The following RALGPS1 variants were observed in gnomAD, a reference collection of about 807,000 sequenced individuals.
RALGPS1 encodes ras-specific guanine nucleotide-releasing factor RalGPS1.
RALGPS1 carries 19 observed loss-of-function variants against 78.8 expected under a neutral mutation model. The observed-to-expected ratio is 0.24, with a 90% CI of 0.17 to 0.35. RALGPS1 has a LOEUF of 0.35. Ranked by LOEUF, RALGPS1 falls within the 10% of genes least tolerant of loss-of-function variation. The pLI is 1.00. For missense variants in RALGPS1, 454 were observed against 688.3 expected, an observed-to-expected ratio of 0.66 and a Z score of 3.81; for synonymous variants, 228 against 256.3, an observed-to-expected ratio of 0.89 and a Z score of 1.06.
At chr9:127,082,171 A>C (rs141808949) in intron 8 of RALGPS1, among the ~76,000 whole-genome samples, 2 of 152,324 alleles carry the variant, frequency 1.3e-5, no homozygotes, top group East Asian at 3.9e-4. Context: ...CCAAGGCTTG[A>C]ACCAGGTAGA....
chr9:127,147,336 C>T (rs2058151179), intron 8 of RALGPS1, among the ~76,000 whole-genome samples: 1 of 152,180 alleles, frequency 6.6e-6, no homozygotes, highest in African/African-American at 2.4e-5. Flanking sequence ...TGTCTGCTTA[C>T]TCTGTTGATA....
At chr9:126,920,942 G>A (rs1355501248) in intron 1 of RALGPS1, among the ~76,000 whole-genome samples, 1 of 152,204 alleles carries the variant, frequency 6.6e-6, no homozygotes, top group Admixed American at 6.5e-5. Context: ...GTGACCATGG[G>A]CAGGTGTCTT....
chr9:126,964,255 G>A (rs1192111369), intron 2 of RALGPS1, among the ~76,000 whole-genome samples: 1 of 151,734 alleles, frequency 6.6e-6, no homozygotes, highest in Non-Finnish European at 1.5e-5. Context: ...CTACTTTTGA[G>A]CTACTTGGGA....
chr9:126,969,563 C>T (rs138482728), intron 3 of RALGPS1, among the ~76,000 whole-genome samples: 2,847 of 152,294 alleles, frequency 0.019, 48 homozygotes, highest in Middle Eastern at 0.027. Flanking sequence ...TCATGGATCT[C>T]GCAGGCCAGT....
rs552434591 is a variant in RALGPS1 at position 127,002,603 on chromosome 9, C to G, written c.216+24858C>G. The stretch of plus-strand genomic sequence containing the variant: ...CAATGCTATCCCTCCCCCCTCCCCC[C>G]ACCCCACCACAGTCCCTAGAGTGTG... On this transcript the variant is annotated intron_variant, in intron 4 of 18. Coordinates refer to ENST00000259351, the MANE Select transcript of RALGPS1 (RefSeq NM_014636.3). Among the ~76,000 whole-genome samples the G allele has an allele frequency of 4.0e-3, 466 of 115,458 alleles. 2 individuals are homozygous for G. Among genetic ancestry groups the G allele is most frequent in the Non-Finnish European group, 6.1e-3 (354 of 57,602 alleles). The allele number at this position is 115,458 out of a possible 152,430, so 75.7% of individuals were successfully genotyped here.
At chr9:126,927,565 C>G (rs552238) in intron 1 of RALGPS1, among the ~76,000 whole-genome samples, 89,043 of 152,086 alleles carry the variant, frequency 0.59, 30,159 homozygotes, top group East Asian at 0.81. Flanking sequence ...GTCTCCCTGA[C>G]AGGTTATGCT....
intron 8 of RALGPS1, among the ~76,000 whole-genome samples, chr9:127,115,936 G>A (rs1163514293): frequency 3.9e-5 from 6 of 152,208 alleles, no homozygotes; most frequent in Admixed American, 3.3e-4. Flanking sequence ...ATCTCCAGCT[G>A]CCCTCCCCTC....
chr9:127,194,333 C>T (rs992689890), intron 11 of RALGPS1, among the ~76,000 whole-genome samples: 5 of 152,172 alleles, frequency 3.3e-5, no homozygotes, highest in African/African-American at 1.2e-4. Context: ...TGCTCTTGCC[C>T]CTTTTTGTTT....
At chr9:127,191,575 T>G (rs1306895628) in intron 11 of RALGPS1, among the ~76,000 whole-genome samples, 4 of 152,202 alleles carry the variant, frequency 2.6e-5, no homozygotes, top group African/African-American at 7.2e-5. Flanking sequence ...TACTACTGCT[T>G]TAGGTTTTGT....
intron 5 of RALGPS1, among the ~76,000 whole-genome samples, chr9:127,044,248 A>G (rs1164019458): frequency 6.6e-6 from 1 of 152,082 alleles, no homozygotes; most frequent in African/African-American, 2.4e-5. Flanking sequence ...AAAGACATGG[A>G]TGAATCTTTT....
intron 3 of RALGPS1, among the ~76,000 whole-genome samples, chr9:126,968,195 G>T (rs1233181586): frequency 6.6e-6 from 1 of 152,016 alleles, no homozygotes; most frequent in Non-Finnish European, 1.5e-5. Context: ...TAGAGACAGG[G>T]TTTCACCATG....
chr9:127,143,554 G>A (rs1439436768), intron 8 of RALGPS1, among the ~76,000 whole-genome samples: 2 of 152,004 alleles, frequency 1.3e-5, no homozygotes, highest in African/African-American at 4.8e-5. Flanking sequence ...ATGATGATAG[G>A]GCCTAGACAT....
At position 127,174,263 on chromosome 9, in the gene RALGPS1, AAAAG is replaced by A. The variant is rs758961787; in HGVS notation, c.843-450_843-447del. Among the ~76,000 whole-genome samples the A allele has an allele frequency of 4.9e-3, 744 of 150,956 alleles. 8 individuals are homozygous for A. Among genetic ancestry groups the A allele is most frequent in the African/African-American group, 0.016 (668 of 40,540 alleles). ...GAGAGAGAGAGAAAAGAAAGAAAGA[AAAAG>A]AGAGAGAGAGAAAGAAAGAAAGAGA... On this transcript the variant is annotated intron_variant, in intron 10 of 18. Transcript: ENST00000259351.
At chr9:127,057,563 C>A (rs1589246880) in intron 7 of RALGPS1, among the ~76,000 whole-genome samples, 1 of 152,220 alleles carries the variant, frequency 6.6e-6, no homozygotes, top group East Asian at 1.9e-4. Flanking sequence ...TCTGCATACA[C>A]AAACAGGAAG....
intron 18 of RALGPS1, among the ~76,000 whole-genome samples, chr9:127,216,513 C>T (rs2062587413): frequency 6.6e-6 from 1 of 152,212 alleles, no homozygotes; most frequent in African/African-American, 2.4e-5. Context: ...TATTGTGTGA[C>T]ACTTGATAGT....
intron 1 of RALGPS1, among the ~76,000 whole-genome samples, chr9:126,930,271 ATAAAT>A (rs912282205): frequency 5.3e-5 from 8 of 151,886 alleles, no homozygotes; most frequent in African/African-American, 1.9e-4. Context: ...GTAAGATGAA[ATAAAT>A]TAATCAGTTC....
chr9:127,154,095 C>G (rs1384427219), intron 8 of RALGPS1, among the ~76,000 whole-genome samples: 2 of 152,240 alleles, frequency 1.3e-5, no homozygotes, highest in Non-Finnish European at 2.9e-5. Context: ...ACCAGACTAA[C>G]AAGAGCACTG....
In RALGPS1 at chr9:127,199,017, A is replaced by C. The variant is rs757609549; in HGVS notation, c.1198A>C (p.Ser400Arg). 6.2e-7 allele frequency: 1 copy of C among 1,614,026 alleles called. No homozygotes were observed. The highest frequency in any genetic ancestry group is 1.1e-5 in the South Asian group (1 of 91,080). The change falls in exon 14 of 19, where the codon AGT becomes CGT. Residue 400 changes from serine (S) to arginine (R), a missense_variant and splice_region_variant. Ser to Arg is a moderately radical substitution (Grantham distance 110, BLOSUM62 -1). Coordinates refer to ENST00000259351, the MANE Select transcript of RALGPS1 (RefSeq NM_014636.3). The part of the protein sequence containing the change: ...SAVTNGLSLG[S>R]SESSEFSEEM... ...ATTGACCTGTGTTCCTTTTCCAGGCAGTAGTGAGAGCTCAGAGTTTAGTGA... is the reference window on the plus strand; with the variant it reads ...ATTGACCTGTGTTCCTTTTCCAGGCCGTAGTGAGAGCTCAGAGTTTAGTGA...
chr9:127,163,177 A>G (rs1349641303), intron 8 of RALGPS1, among the ~76,000 whole-genome samples: 4 of 152,116 alleles, frequency 2.6e-5, no homozygotes, highest in Non-Finnish European at 5.9e-5. Flanking sequence ...AAGCTGCCCT[A>G]TGTCCCACAT....
Sources: allele counts gnomAD v4.1 joint callset (sites outside exome capture counted in the v4.1 genomes callset), GRCh38; gene constraint gnomAD v4.1.1; transcripts MANE v1.5; gene names NCBI Gene and HGNC (gene_info 2026-07-23, HGNC 2026-07-21).